The following ACTR3C variants were observed in gnomAD, a reference collection of about 807,000 sequenced individuals.
ACTR3C encodes actin related protein 3C, also known as actin-related protein 3C.
Under a neutral mutation model 26.3 loss-of-function variants are expected in ACTR3C, and 18 were observed. The ratio of observed to expected loss-of-function variants is 0.68; its 90% CI spans 0.47 to 1.01. The LOEUF (loss-of-function observed/expected upper bound fraction) is 1.01, where lower values mean the gene tolerates loss of function less well. Ranked by LOEUF, ACTR3C falls within the 50% of genes least tolerant of loss-of-function variation. ACTR3C has a pLI of 0.00. For missense variants in ACTR3C, 184 were observed against 250.7 expected (o/e 0.73, Z 1.80); for synonymous variants, 55 against 94.5 (o/e 0.58, Z 2.42).
At chr7:150,003,544 G>A in the ACTR3C span, among the ~76,000 whole-genome samples, 1 of 152,010 alleles carries the variant, frequency 6.6e-6, no homozygotes, top group African/African-American at 2.4e-5. Flanking sequence ...GGTATGTGCT[G>A]TGTGTGGTAT....
In ACTR3C at chr7:150,307,895, C is replaced by G. The variant is rs78169478; in HGVS notation, c.-51-12548G>C. On this transcript the variant is annotated intron_variant, in intron 1 of 7. Coordinates refer to ENST00000683684, the MANE Select transcript of ACTR3C (RefSeq NM_001164458.2). ...TTCTCTAACCTCTGTCGCTATCCCT[C>G]AACCTCTTTCTCCTTTCAATTTCCA... is the stretch of plus-strand genomic sequence containing the variant. 6.1e-3 allele frequency among the ~76,000 whole-genome samples: 934 copies of G among 152,322 alleles called. 63 individuals are homozygous for G. In the East Asian group the frequency reaches 0.15, roughly 24 times the overall value.
At chr7:150,145,273 C>T in the ACTR3C span, among the ~76,000 whole-genome samples, 1 of 152,068 alleles carries the variant, frequency 6.6e-6, no homozygotes, top group Admixed American at 6.5e-5. Context: ...ACCTGAAGGG[C>T]TCCCCTGGAG....
At chr7:150,178,710 G>A in the ACTR3C span, among the ~76,000 whole-genome samples, 9 of 150,712 alleles carry the variant, frequency 6.0e-5, 1 homozygote, top group South Asian at 1.2e-3. Context: ...TGACAACTGT[G>A]TCACACCAGC....
the ACTR3C span, chr7:150,004,923 G>T: frequency 6.6e-6 from 1 of 152,340 alleles, no homozygotes; most frequent in Non-Finnish European, 1.5e-5. Flanking sequence ...GGCCTGGGTG[G>T]ATCCCAGACC....
chr7:150,029,414 A>C, the ACTR3C span, among the ~76,000 whole-genome samples: 20 of 90,008 alleles, frequency 2.2e-4, no homozygotes, highest in African/African-American at 1.5e-3. Flanking sequence ...AAAAAAAAAA[A>C]AAACAAACAA....
At chr7:150,312,246 G>A (rs1796391730) in intron 1 of ACTR3C, among the ~76,000 whole-genome samples, 1 of 152,016 alleles carries the variant, frequency 6.6e-6, no homozygotes, top group South Asian at 2.1e-4. Context: ...TCCAACTCAG[G>A]GCAAGAGGTT....
At chr7:150,072,500 G>A in the ACTR3C span, among the ~76,000 whole-genome samples, 1 of 141,774 alleles carries the variant, frequency 7.1e-6, no homozygotes, top group Non-Finnish European at 1.6e-5. Context: ...ACATTTTTAA[G>A]AACCCCACAC....
the ACTR3C span, among the ~76,000 whole-genome samples, chr7:149,971,336 G>A: frequency 3.9e-5 from 6 of 152,134 alleles, no homozygotes; most frequent in Admixed American, 6.5e-5. Flanking sequence ...GTGCCCTACC[G>A]ATGGGGTGTT....
chr7:150,039,897 A>G, the ACTR3C span, among the ~76,000 whole-genome samples: 4 of 107,026 alleles, frequency 3.7e-5, no homozygotes, highest in South Asian at 9.7e-4. Context: ...CCGTGTCGTG[A>G]GGGGTGCCTC....
At chr7:149,980,476 A>T in the ACTR3C span, among the ~76,000 whole-genome samples, 1 of 152,230 alleles carries the variant, frequency 6.6e-6, no homozygotes, top group Non-Finnish European at 1.5e-5. Flanking sequence ...TATTCAAAAG[A>T]GGGACCCTGA....
the ACTR3C span, among the ~76,000 whole-genome samples, chr7:150,087,642 G>A: frequency 6.6e-6 from 1 of 152,168 alleles, no homozygotes; most frequent in African/African-American, 2.4e-5. Flanking sequence ...CCGTGGAAGA[G>A]GCTGGAATAT....
the ACTR3C span, among the ~76,000 whole-genome samples, chr7:149,914,116 T>C: frequency 1.3e-5 from 2 of 151,676 alleles, no homozygotes; most frequent in African/African-American, 2.4e-5. Flanking sequence ...CTCAAACTCT[T>C]GGGCTCAAGG....
the ACTR3C span, among the ~76,000 whole-genome samples, chr7:149,987,336 C>T: frequency 7.9e-5 from 12 of 151,024 alleles, no homozygotes; most frequent in Admixed American, 2.0e-4. Flanking sequence ...GAGGCTGAGG[C>T]GGGTGGATCA....
the ACTR3C span, among the ~76,000 whole-genome samples, chr7:150,119,158 A>G: frequency 6.6e-6 from 1 of 152,320 alleles, no homozygotes; most frequent in East Asian, 1.9e-4. Flanking sequence ...GACCATCGAC[A>G]CTATGAAGAA....
chr7:150,233,508 TCTC>T, the ACTR3C span, among the ~76,000 whole-genome samples: 1 of 150,810 alleles, frequency 6.6e-6, no homozygotes, highest in Admixed American at 6.6e-5. Flanking sequence ...TTCTTGTTCT[TCTC>T]CTTCTGGTAT....
At chr7:150,164,939 T>G in the ACTR3C span, among the ~76,000 whole-genome samples, 2 of 152,222 alleles carry the variant, frequency 1.3e-5, no homozygotes, top group Non-Finnish European at 2.9e-5. Flanking sequence ...GAGCTATTAT[T>G]TCTTTTCACC....
the ACTR3C span, among the ~76,000 whole-genome samples, chr7:150,020,628 T>C: frequency 1.3e-5 from 2 of 151,988 alleles, no homozygotes; most frequent in Non-Finnish European, 1.5e-5. Flanking sequence ...TTTTCTCCTC[T>C]CAATCTGTGA....
At chr7:149,922,970 C>CTTTTTTTCTTTT in the ACTR3C span, among the ~76,000 whole-genome samples, 1 of 69,146 alleles carries the variant, frequency 1.4e-5, no homozygotes, top group Non-Finnish European at 2.5e-5. Context: ...AAATAAAAGG[C>CTTTTTTTCTTTT]TTTTTTTTTT....
chr7:149,966,225 G>A, the ACTR3C span, among the ~76,000 whole-genome samples: 1 of 152,126 alleles, frequency 6.6e-6, no homozygotes, highest in South Asian at 2.1e-4. Context: ...CTCATTCTGT[G>A]GACCGCACTG....
Sources: allele counts gnomAD v4.1 joint callset (sites outside exome capture counted in the v4.1 genomes callset), GRCh38; gene constraint gnomAD v4.1.1; transcripts MANE v1.5; gene names NCBI Gene and HGNC (gene_info 2026-07-23, HGNC 2026-07-21).